SH3RF1: variants seen among roughly 807,000 people sequenced by gnomAD.
SH3RF1 encodes E3 ubiquitin-protein ligase SH3RF1.
Under a neutral mutation model 74.0 loss-of-function variants are expected in SH3RF1, and 32 were observed. The ratio of observed to expected loss-of-function variants is 0.43; its 90% CI spans 0.33 to 0.58. The LOEUF (loss-of-function observed/expected upper bound fraction) is 0.58. Ranked by LOEUF, SH3RF1 falls within the 20% of genes least tolerant of loss-of-function variation. The pLI is 0.05. For missense variants in SH3RF1, 954 were observed against 1,130.9 expected (o/e 0.84, Z 2.24); for synonymous variants, 396 against 439.6 (o/e 0.90, Z 1.24).
At chr4:169,219,144 G>T (rs570781359) in intron 2 of SH3RF1, among the ~76,000 whole-genome samples, 1 of 152,088 alleles carries the variant, frequency 6.6e-6, no homozygotes, top group Non-Finnish European at 1.5e-5. Flanking sequence ...GCTGATAGAC[G>T]CAAGCATAAG....
intron 4 of SH3RF1, among the ~76,000 whole-genome samples, chr4:169,146,955 C>T (rs2126960179): frequency 6.6e-6 from 1 of 152,214 alleles, no homozygotes. Flanking sequence ...AAACCCTTCC[C>T]AACTGTGAAC....
intron 4 of SH3RF1, among the ~76,000 whole-genome samples, chr4:169,139,726 G>A (rs572983946): frequency 6.6e-6 from 1 of 152,306 alleles, no homozygotes; most frequent in South Asian, 2.1e-4. Context: ...GTGTATGCAG[G>A]TAGACACATC....
chr4:169,181,060 C>T (rs1297560084), intron 2 of SH3RF1, among the ~76,000 whole-genome samples: 1 of 152,138 alleles, frequency 6.6e-6, no homozygotes, highest in South Asian at 2.1e-4. Context: ...GTAGCCTAAC[C>T]CAGACACAGA....
In SH3RF1 at chr4:169,143,275, A is replaced by G. The variant is rs185816039; in HGVS notation, c.766-6655T>C. Among the ~76,000 whole-genome samples, 207 of 152,116 alleles carry G rather than the reference A, an allele frequency of 1.4e-3. 2 individuals carry two copies. The South Asian group carries it at 0.026, about 19-fold the overall frequency. On this transcript the variant is annotated intron_variant, in intron 4 of 11. Coordinates refer to ENST00000284637, the MANE Select transcript of SH3RF1 (RefSeq NM_020870.4). ...TTAATAATACATTTTATTTAGCCCAATGTATCTACACTATGATCACTTCAA... is the reference window on the plus strand; with the variant it reads ...TTAATAATACATTTTATTTAGCCCAGTGTATCTACACTATGATCACTTCAA...
intron 4 of SH3RF1, among the ~76,000 whole-genome samples, chr4:169,139,086 G>C (rs1472950264): frequency 6.6e-6 from 1 of 152,090 alleles, no homozygotes; most frequent in East Asian, 1.9e-4. Flanking sequence ...TGAGTAGTTG[G>C]GACTATAGGT....
chr4:169,136,023 G>A (rs1225620133), intron 5 of SH3RF1, among the ~76,000 whole-genome samples: 1 of 152,166 alleles, frequency 6.6e-6, no homozygotes, highest in Non-Finnish European at 1.5e-5. Context: ...AGAAAGTTCT[G>A]TAAGGCTGAG....
chr4:169,106,593 A>G (rs1476017718), intron 11 of SH3RF1, among the ~76,000 whole-genome samples: 2 of 152,182 alleles, frequency 1.3e-5, no homozygotes, highest in African/African-American at 2.4e-5. Flanking sequence ...CCTGGACACA[A>G]TTCAGGCGTG....
intron 6 of SH3RF1, among the ~76,000 whole-genome samples, chr4:169,123,365 C>T (rs935486774): frequency 2.6e-5 from 4 of 152,246 alleles, no homozygotes; most frequent in Admixed American, 6.5e-5. Flanking sequence ...AATTTCTAGA[C>T]GCACGCTGTA....
At chr4:169,140,237 T>C (rs941387880) in intron 4 of SH3RF1, among the ~76,000 whole-genome samples, 3 of 152,172 alleles carry the variant, frequency 2.0e-5, no homozygotes. Context: ...TTGGTAACAA[T>C]AGGAAACCAA....
At chr4:169,163,090 G>C (rs1374340830) in intron 2 of SH3RF1, among the ~76,000 whole-genome samples, 3 of 121,144 alleles carry the variant, frequency 2.5e-5, no homozygotes, top group Admixed American at 9.3e-5. Flanking sequence ...TCGGGGGCAA[G>C]GTAGAGGGAG....
chr4:169,127,452 T>G (rs1310257395), intron 6 of SH3RF1, among the ~76,000 whole-genome samples: 1 of 152,226 alleles, frequency 6.6e-6, no homozygotes, highest in Non-Finnish European at 1.5e-5. Flanking sequence ...ACACAATTAA[T>G]ATAAGATGCA....
At chr4:169,198,136 G>A (rs1734848616) in intron 2 of SH3RF1, among the ~76,000 whole-genome samples, 1 of 152,136 alleles carries the variant, frequency 6.6e-6, no homozygotes, top group Admixed American at 6.5e-5. Context: ...GGAGAAAAAG[G>A]CAAATTGCCT....
intron 2 of SH3RF1, among the ~76,000 whole-genome samples, chr4:169,163,465 C>A (rs758993390): frequency 2.0e-5 from 3 of 152,002 alleles, no homozygotes; most frequent in Admixed American, 2.0e-4. Flanking sequence ...AGGGGCATTG[C>A]TTAGTAAATA....
At chr4:169,126,320 T>C (rs1168708096) in intron 6 of SH3RF1, among the ~76,000 whole-genome samples, 1 of 152,230 alleles carries the variant, frequency 6.6e-6, no homozygotes, top group African/African-American at 2.4e-5. Flanking sequence ...GCTAGAATCC[T>C]TTCCTGTTGC....
At chr4:169,168,380 T>C (rs1378798068) in intron 2 of SH3RF1, among the ~76,000 whole-genome samples, 1 of 152,206 alleles carries the variant, frequency 6.6e-6, no homozygotes, top group Non-Finnish European at 1.5e-5. Flanking sequence ...CCAGGATACA[T>C]TCTGAATCCC....
chr4:169,177,593 G>T (rs944495482), intron 2 of SH3RF1, among the ~76,000 whole-genome samples: 1 of 152,168 alleles, frequency 6.6e-6, no homozygotes, highest in South Asian at 2.1e-4. Context: ...ATCACTGAAA[G>T]AATTAGTCTA....
At chr4:169,106,548 T>C (rs1733141960) in intron 11 of SH3RF1, among the ~76,000 whole-genome samples, 1 of 149,638 alleles carries the variant, frequency 6.7e-6, no homozygotes, top group South Asian at 2.1e-4. Flanking sequence ...AAGAAGTAAA[T>C]CCATGAACAG....
intron 2 of SH3RF1, among the ~76,000 whole-genome samples, chr4:169,170,845 TG>T (rs1734316819): frequency 6.6e-6 from 1 of 152,110 alleles, no homozygotes; most frequent in African/African-American, 2.4e-5. Context: ...AGCTGAAAAA[TG>T]ACACAAGGGT....
intron 2 of SH3RF1, among the ~76,000 whole-genome samples, chr4:169,171,431 C>T (rs957468169): frequency 6.6e-6 from 1 of 152,064 alleles, no homozygotes. Flanking sequence ...GGAAACAGAC[C>T]GTATTCAGGC....
Sources: gnomAD v4.1 joint callset for allele counts (sites outside exome capture counted in the v4.1 genomes callset) on GRCh38, gnomAD v4.1.1 for gene constraint, MANE v1.5 for transcripts, NCBI Gene and HGNC (gene_info 2026-07-23, HGNC 2026-07-21) for gene names.